GPHN: variants seen among roughly 807,000 people sequenced by gnomAD.
GPHN encodes gephyrin.
In GPHN, 17 loss-of-function variants were observed where a neutral mutation model predicts 95.5. The ratio of observed to expected loss-of-function variants is 0.18; its 90% CI spans 0.12 to 0.27. GPHN has a LOEUF of 0.27. Among genes scored for constraint, GPHN ranks in the 10% least tolerant of loss-of-function variants. The pLI, the probability that GPHN is intolerant of heterozygous loss-of-function variation, is 1.00. For missense variants in GPHN, 660 were observed against 978.1 expected, an observed-to-expected ratio of 0.67 and a Z score of 4.34; for synonymous variants, 320 against 322.5, an observed-to-expected ratio of 0.99 and a Z score of 0.08.
chr14:67,590,677 C>G, the GPHN span, among the ~76,000 whole-genome samples: 2 of 152,174 alleles, frequency 1.3e-5, no homozygotes, highest in Non-Finnish European at 2.9e-5. Flanking sequence ...ACTTCAATCT[C>G]TCACCCACAT....
chr14:67,423,243 A>C, the GPHN span, among the ~76,000 whole-genome samples: 1 of 152,114 alleles, frequency 6.6e-6, no homozygotes, highest in Non-Finnish European at 1.5e-5. Flanking sequence ...GGGGGAGGGC[A>C]TTTGTTTGCA....
At chr14:66,680,432 C>A (rs2066872865) in intron 1 of GPHN, among the ~76,000 whole-genome samples, 1 of 152,204 alleles carries the variant, frequency 6.6e-6, no homozygotes. Context: ...GGCCTGTTCT[C>A]CCAACTGCTG....
At chr14:67,201,504 C>T in the GPHN span, 1 of 455,906 alleles carries the variant, frequency 2.2e-6, no homozygotes, top group African/African-American at 2.0e-5. Context: ...TCATCTCATC[C>T]TGGTGGCTCT....
intron 2 of GPHN, among the ~76,000 whole-genome samples, chr14:66,744,077 C>A (rs1328021447): frequency 6.6e-6 from 1 of 152,106 alleles, no homozygotes; most frequent in South Asian, 2.1e-4. Context: ...ACATAACTTC[C>A]AATTTTAATT....
At chr14:66,733,162 C>G (rs915416254) in intron 2 of GPHN, among the ~76,000 whole-genome samples, 1 of 152,074 alleles carries the variant, frequency 6.6e-6, no homozygotes, top group Admixed American at 6.5e-5. Flanking sequence ...CTCATGAGAT[C>G]TGATGGTTTA....
chr14:66,806,826 T>G (rs1238595596), intron 3 of GPHN, among the ~76,000 whole-genome samples: 1 of 152,154 alleles, frequency 6.6e-6, no homozygotes, highest in Non-Finnish European at 1.5e-5. Flanking sequence ...TTTAGGAAGT[T>G]CCAAACTTTC....
chr14:67,348,279 A>C, the GPHN span, among the ~76,000 whole-genome samples: 1 of 152,006 alleles, frequency 6.6e-6, no homozygotes, highest in Non-Finnish European at 1.5e-5. Context: ...TCTCCATATT[A>C]GGCTGGTCTC....
At chr14:67,578,691 G>A in the GPHN span, 1 of 1,058,742 alleles carries the variant, frequency 9.4e-7, no homozygotes, top group South Asian at 1.3e-5. The surrounding 1 kb of genome is among the most constrained non-coding windows in gnomAD (Gnocchi z 5.0). Context: ...GCATGAATAA[G>A]AGGGATGAGA....
At chr14:67,607,540 T>C in the GPHN span, among the ~76,000 whole-genome samples, 5 of 152,194 alleles carry the variant, frequency 3.3e-5, no homozygotes, top group African/African-American at 1.2e-4. Context: ...TTAATGTTTG[T>C]ATTTTTAGTA....
chr14:66,770,863 G>T (rs2059141677), intron 2 of GPHN, among the ~76,000 whole-genome samples: 1 of 144,156 alleles, frequency 6.9e-6, no homozygotes, highest in Non-Finnish European at 1.5e-5. Flanking sequence ...TAATAATTAA[G>T]TAAAGTTTAT....
the GPHN span, among the ~76,000 whole-genome samples, chr14:67,319,562 C>T: frequency 2.0e-5 from 3 of 150,536 alleles, no homozygotes; most frequent in African/African-American, 7.4e-5. Context: ...GAAGAATAGT[C>T]TGGGGCCACA....
chr14:67,386,266 AT>A, the GPHN span: 1 of 152,684 alleles, frequency 6.5e-6, no homozygotes, highest in Non-Finnish European at 1.5e-5. Flanking sequence ...TAAGTAAAAC[AT>A]TAGCTTGTGA....
chr14:67,580,867 C>G, the GPHN span: 1 of 989,304 alleles, frequency 1.0e-6, no homozygotes, highest in Non-Finnish European at 1.6e-6. Flanking sequence ...CTGAGTCCAG[C>G]CCTGGCTGGA....
the GPHN span, chr14:67,585,427 TATC>T: frequency 7.7e-6 from 5 of 653,468 alleles, no homozygotes; most frequent in Admixed American, 5.1e-5. Flanking sequence ...ACTGTACAAA[TATC>T]ATCTTTGTTT....
At chr14:66,632,613 C>G (rs1471211990) in intron 1 of GPHN, among the ~76,000 whole-genome samples, 2 of 151,702 alleles carry the variant, frequency 1.3e-5, no homozygotes, top group Admixed American at 1.3e-4. Context: ...CTGCCTCAGC[C>G]TCCTGAGTAG....
chr14:67,012,593 A>G (rs2073073152), intron 9 of GPHN, among the ~76,000 whole-genome samples: 1 of 152,288 alleles, frequency 6.6e-6, no homozygotes, highest in South Asian at 2.1e-4. Context: ...AGTTTGTATC[A>G]TAGTCATTAT....
At chr14:67,554,178 A>G in the GPHN span, among the ~76,000 whole-genome samples, 2 of 152,236 alleles carry the variant, frequency 1.3e-5, no homozygotes, top group Admixed American at 1.3e-4. Flanking sequence ...AGGTTCCCAA[A>G]TATGAACTAC....
intron 4 of GPHN, among the ~76,000 whole-genome samples, chr14:66,825,655 T>A (rs948138921): frequency 6.6e-6 from 1 of 152,192 alleles, no homozygotes; most frequent in South Asian, 2.1e-4. Context: ...AAATGCAATT[T>A]TAAGAATTAT....
At chr14:67,460,073 A>T in the GPHN span, among the ~76,000 whole-genome samples, 1 of 152,246 alleles carries the variant, frequency 6.6e-6, no homozygotes, top group South Asian at 2.1e-4. Flanking sequence ...AAATGGGAGA[A>T]GCAGAATTTG....
Sources: allele counts gnomAD v4.1 joint callset (sites outside exome capture counted in the v4.1 genomes callset), GRCh38; gene constraint gnomAD v4.1.1; non-coding constraint Gnocchi (gnomAD v3.1); transcripts MANE v1.5; gene names NCBI Gene and HGNC (gene_info 2026-07-23, HGNC 2026-07-21).